Variants in SPMIP7 observed in about 807,000 individuals in gnomAD.
SPMIP7 encodes protein SPMIP7.
the SPMIP7 span, among the ~76,000 whole-genome samples, chr7:50,132,927 C>T: frequency 6.6e-6 from 1 of 152,024 alleles, no homozygotes; most frequent in African/African-American, 2.4e-5. Flanking sequence ...TATCTCTGAA[C>T]AAATATATGT....
chr7:50,109,811 G>C, the SPMIP7 span, among the ~76,000 whole-genome samples: 1 of 152,102 alleles, frequency 6.6e-6, no homozygotes, highest in Non-Finnish European at 1.5e-5. Flanking sequence ...TAATAAGCTG[G>C]TAAAATAAGC....
the SPMIP7 span, chr7:50,142,576 A>G: frequency 1.3e-5 from 2 of 152,230 alleles, no homozygotes; most frequent in African/African-American, 2.4e-5. Context: ...ACGGAATCTT[A>G]ACCTGTTAAC....
At chr7:50,114,880 A>C in the SPMIP7 span, among the ~76,000 whole-genome samples, 1 of 151,996 alleles carries the variant, frequency 6.6e-6, no homozygotes, top group Non-Finnish European at 1.5e-5. Context: ...AAATACAAAA[A>C]TTAGCCGGAT....
the SPMIP7 span, among the ~76,000 whole-genome samples, chr7:50,107,904 T>C: frequency 6.6e-6 from 1 of 152,078 alleles, no homozygotes; most frequent in East Asian, 1.9e-4. Flanking sequence ...AGGAAGAACA[T>C]AAGAATGGAA....
At chr7:50,143,001 T>C in the SPMIP7 span, among the ~76,000 whole-genome samples, 1 of 152,178 alleles carries the variant, frequency 6.6e-6, no homozygotes, top group Non-Finnish European at 1.5e-5. Context: ...AGCCATCCTA[T>C]TGAAAGCAAA....
the SPMIP7 span, among the ~76,000 whole-genome samples, chr7:50,149,608 C>G: frequency 6.6e-6 from 1 of 152,180 alleles, no homozygotes; most frequent in Non-Finnish European, 1.5e-5. Flanking sequence ...TTCCTAGTCT[C>G]ACAAAATCTG....
At chr7:50,127,764 T>TATC in the SPMIP7 span, among the ~76,000 whole-genome samples, 1 of 151,830 alleles carries the variant, frequency 6.6e-6, no homozygotes, top group Non-Finnish European at 1.5e-5. Context: ...CACAGTGAGA[T>TATC]ATCATCTCAC....
At chr7:50,123,636 G>A in the SPMIP7 span, among the ~76,000 whole-genome samples, 14 of 151,096 alleles carry the variant, frequency 9.3e-5, no homozygotes, top group African/African-American at 3.4e-4. Flanking sequence ...ATGTGAAGTG[G>A]TATGTTAACT....
the SPMIP7 span, chr7:50,104,365 G>A: frequency 1.9e-5 from 30 of 1,539,608 alleles, no homozygotes; most frequent in Admixed American, 9.9e-5. Context: ...CATGAAGGAC[G>A]CTCATTAAGT....
chr7:50,140,535 A>T, the SPMIP7 span, among the ~76,000 whole-genome samples: 1 of 152,248 alleles, frequency 6.6e-6, no homozygotes, highest in African/African-American at 2.4e-5. Flanking sequence ...TGCAGAAGGG[A>T]TGAGATGCTC....
the SPMIP7 span, chr7:50,096,518 C>G: frequency 2.6e-6 from 4 of 1,551,742 alleles, no homozygotes; most frequent in Non-Finnish European, 3.5e-6. Context: ...AGTTCCCAGA[C>G]CAGACACAGG....
At chr7:50,105,470 T>C in the SPMIP7 span, among the ~76,000 whole-genome samples, 2 of 152,306 alleles carry the variant, frequency 1.3e-5, no homozygotes, top group South Asian at 4.1e-4. Flanking sequence ...TGTTGATTTC[T>C]TTTTTTCTCA....
chr7:50,103,422 C>T, the SPMIP7 span, among the ~76,000 whole-genome samples: 140 of 152,264 alleles, frequency 9.2e-4, no homozygotes, highest in African/African-American at 3.2e-3. Context: ...AACCCTTCAA[C>T]GGCAATCCAT....
the SPMIP7 span, chr7:50,096,318 A>G: frequency 1.9e-6 from 3 of 1,552,100 alleles, no homozygotes; most frequent in Non-Finnish European, 2.6e-6. Context: ...TTGCCAGACT[A>G]TCATTTACAT....
At chr7:50,116,369 C>CTG in the SPMIP7 span, among the ~76,000 whole-genome samples, 1 of 152,212 alleles carries the variant, frequency 6.6e-6, no homozygotes, top group Non-Finnish European at 1.5e-5. Context: ...CCACTGACTC[C>CTG]AGCCTATACA....
At chr7:50,104,398 A>C in the SPMIP7 span, 1 of 1,523,486 alleles carries the variant, frequency 6.6e-7, no homozygotes, top group South Asian at 1.3e-5. Flanking sequence ...TTTGATGAGG[A>C]GGCAACATGT....
the SPMIP7 span, among the ~76,000 whole-genome samples, chr7:50,153,378 C>T: frequency 1.3e-5 from 2 of 152,166 alleles, no homozygotes; most frequent in African/African-American, 4.8e-5. Flanking sequence ...TTCTGGTCCA[C>T]CCAGCTGCTA....
At chr7:50,148,526 CT>C in the SPMIP7 span, among the ~76,000 whole-genome samples, 1 of 152,124 alleles carries the variant, frequency 6.6e-6, no homozygotes, top group Non-Finnish European at 1.5e-5. Flanking sequence ...TGGAAAAAAC[CT>C]TTCACACAGA....
At chr7:50,140,270 T>G in the SPMIP7 span, 1 of 704,740 alleles carries the variant, frequency 1.4e-6, no homozygotes, top group Non-Finnish European at 2.3e-6. Flanking sequence ...GTATTCACTT[T>G]TTAAGACAAC....
Sources: gnomAD v4.1 joint callset for allele counts (sites outside exome capture counted in the v4.1 genomes callset) on GRCh38, gnomAD v4.1.1 for gene constraint, MANE v1.5 for transcripts, NCBI Gene and HGNC (gene_info 2026-07-23, HGNC 2026-07-21) for gene names.